Variants in AP3B1 observed in about 807,000 individuals in gnomAD.
The protein encoded by AP3B1 is adaptor related protein complex 3 subunit beta 1.
Under a neutral mutation model 132.5 loss-of-function variants are expected in AP3B1, and 61 were observed. The ratio of observed to expected loss-of-function variants is 0.46; its 90% confidence interval spans 0.37 to 0.57. The LOEUF is 0.57. Ranked by LOEUF, AP3B1 falls within the 20% of genes least tolerant of loss-of-function variation. The pLI is 0.00. For missense variants in AP3B1, 1,120 were observed against 1,289.4 expected, an observed-to-expected ratio of 0.87 and a Z score of 2.01; for synonymous variants, 388 against 438.3, an observed-to-expected ratio of 0.89 and a Z score of 1.43.
At chr5:78,174,067 CT>C (rs1321425432) in intron 11 of AP3B1, among the ~76,000 whole-genome samples, 4 of 152,164 alleles carry the variant, frequency 2.6e-5, no homozygotes, top group Admixed American at 2.6e-4. Flanking sequence ...ACTGTTTATT[CT>C]AGTTAGCCAT....
At chr5:78,248,326 C>A (rs556679166) in intron 2 of AP3B1, among the ~76,000 whole-genome samples, 1 of 151,698 alleles carries the variant, frequency 6.6e-6, no homozygotes, top group African/African-American at 2.4e-5. Flanking sequence ...CCCATCTCTA[C>A]TAAAAATACA....
rs1753131444 is a variant in AP3B1 at position 78,141,207 on chromosome 5, T to C, written c.1586A>G (p.Asp529Gly). Residue 529 changes from aspartate to glycine, a missense_variant, in exon 15 of 27, where the codon GAT (aspartate) becomes GGT (glycine). Around this residue, in one of 3 missense-constraint regions of AP3B1, gnomAD observed 906 missense variants for 997.1 expected, o/e 0.91. Coordinates refer to ENST00000255194, the MANE Select transcript of AP3B1 (RefSeq NM_003664.5). ...RKMAKSFTSE[D>G]DLVKLQILNL... The stretch of plus-strand genomic sequence containing the variant: ...TAATATCTGCAGTTTTACCAGATCA[T>C]CTTCACTAGTGAAGCTTTTAGCCAT... The C allele has an allele frequency of 1.2e-6, 2 of 1,613,820 alleles. No individual in the cohort carries two copies. The highest frequency in any genetic ancestry group is 2.7e-5 in the African/African-American group (2 of 75,034).
chr5:78,202,406 C>G (rs1224992806), intron 7 of AP3B1, among the ~76,000 whole-genome samples: 1 of 152,092 alleles, frequency 6.6e-6, no homozygotes, highest in African/African-American at 2.4e-5. Flanking sequence ...GGCACTAACC[C>G]TCATAACATC....
chr5:78,279,039 G>GATATGGAAAGACATATCAAC (rs1748923951), intron 1 of AP3B1, among the ~76,000 whole-genome samples: 2 of 151,922 alleles, frequency 1.3e-5, no homozygotes, highest in African/African-American at 2.4e-5. Context: ...ATCATATGTT[G>GATATGGAAAGACATATCAAC]ATATGGAAAG....
chr5:78,204,268 C>T (rs958971617), intron 7 of AP3B1, among the ~76,000 whole-genome samples: 1 of 152,110 alleles, frequency 6.6e-6, no homozygotes, highest in Non-Finnish European at 1.5e-5. Flanking sequence ...TGTTTACAGT[C>T]GTTTCTAAGC....
intron 14 of AP3B1, among the ~76,000 whole-genome samples, chr5:78,152,243 A>G (rs1359735364): frequency 6.6e-6 from 1 of 151,178 alleles, no homozygotes; most frequent in Non-Finnish European, 1.5e-5. Context: ...GAATAGTTTC[A>G]GTAGACTTGG....
At chr5:78,157,805 C>T (rs1743214061) in intron 13 of AP3B1, among the ~76,000 whole-genome samples, 1 of 151,928 alleles carries the variant, frequency 6.6e-6, no homozygotes, top group Admixed American at 6.6e-5. Context: ...GCTGGAGTAC[C>T]ATGGCGCAAT....
rs185157590 is a variant in AP3B1 at position 78,166,688 on chromosome 5, A to G, written c.1168-1016T>C. Among the ~76,000 whole-genome samples, 596 of 152,322 alleles carry G rather than the reference A, an allele frequency of 3.9e-3. 3 individuals are homozygous for G. Among genetic ancestry groups the G allele is most frequent in the Middle Eastern group, 0.017 (5 of 294 alleles). ...CATATCAATAAACTACATTAAATAA[A>G]GCCAAATACTTAGAGCCAACTGATC... On this transcript the variant is annotated intron_variant, in intron 11 of 26. Coordinates refer to ENST00000255194, the MANE Select transcript of AP3B1 (RefSeq NM_003664.5).
intron 3 of AP3B1, among the ~76,000 whole-genome samples, chr5:78,234,011 T>C (rs964340230): frequency 6.6e-5 from 10 of 152,138 alleles, no homozygotes; most frequent in African/African-American, 2.4e-4. Flanking sequence ...AAGAATGCTT[T>C]AAATCACTGT....
At chr5:78,015,815 A>G in intron 25 of AP3B1, 1 of 406,272 alleles carries the variant, frequency 2.5e-6, no homozygotes, top group Non-Finnish European at 4.5e-6. Flanking sequence ...AAAACTTAGA[A>G]TCACACATAT....
chr5:78,280,259 T>C (rs1348548019), intron 1 of AP3B1, among the ~76,000 whole-genome samples: 1 of 152,080 alleles, frequency 6.6e-6, no homozygotes, highest in African/African-American at 2.4e-5. Context: ...AAACACTGAT[T>C]CTAATTATTC....
intron 1 of AP3B1, among the ~76,000 whole-genome samples, chr5:78,292,671 T>A (rs894601356): frequency 6.6e-6 from 1 of 152,208 alleles, no homozygotes; most frequent in African/African-American, 2.4e-5. Context: ...TAAAGTGGTG[T>A]GCACAAATAC....
At chr5:78,034,822 A>G (rs1026041027) in intron 23 of AP3B1, among the ~76,000 whole-genome samples, 6 of 151,976 alleles carry the variant, frequency 3.9e-5, no homozygotes, top group Non-Finnish European at 7.4e-5. Flanking sequence ...ATAAGAGGTT[A>G]TGTACTTAAA....
intron 26 of AP3B1, 121 bp downstream of exon 26, chr5:78,015,289 T>A: frequency 1.9e-6 from 2 of 1,027,580 alleles, no homozygotes; most frequent in Non-Finnish European, 2.8e-6. Context: ...AAAAAGGGAG[T>A]GTGTGTATAT....
In AP3B1 at chr5:78,279,907, A is replaced by AATATATATATATATATATATATATATAT. The variant is rs55881507; in HGVS notation, c.129-12313_129-12312insATATATATATATATATATATATATATAT. Among the ~76,000 whole-genome samples, 11 of 114,348 alleles carry AATATATATATATATATATATATATATAT rather than the reference A, an allele frequency of 9.6e-5. 1 individual carries two copies. Among genetic ancestry groups the AATATATATATATATATATATATATATAT allele is most frequent in the African/African-American group, 3.5e-4 (11 of 31,716 alleles). The allele number at this position is 114,348 out of a possible 152,430, so 75.0% of individuals were successfully genotyped here. ...GACTTAAATATATATATATGACTTAAATATATATATATATATATATATTAG... is the reference window on the plus strand; with the variant it reads ...GACTTAAATATATATATATGACTTAAATATATATATATATATATATATATATATATATATATATATATATATATATTAG... On this transcript the variant is annotated intron_variant, in intron 1 of 26. Coordinates refer to ENST00000255194, the MANE Select transcript of AP3B1 (RefSeq NM_003664.5).
chr5:78,128,985 C>T (rs906846430), intron 16 of AP3B1, 136 bp downstream of exon 16: 10 of 741,322 alleles, frequency 1.3e-5, no homozygotes, highest in Non-Finnish European at 1.9e-5. Flanking sequence ...GAGTAGAAAG[C>T]ATGCTGTTCT....
chr5:78,176,628 C>A lies in AP3B1; in HGVS notation c.1040+711G>T, dbSNP rs984712217. On this transcript the variant is annotated intron_variant, in intron 9 of 26. Transcript: ENST00000255194. ...GTCAAATAGCTGAAATGAAGGTATT[C>A]TTAAACACAGAAACAAATGTCTGAA... is the stretch of plus-strand genomic sequence containing the variant. Among the ~76,000 whole-genome samples, 4 of 152,260 alleles carry A rather than the reference C, an allele frequency of 2.6e-5. No individual in the cohort carries two copies. The East Asian group carries it at 7.7e-4, about 29-fold the overall frequency.
chr5:78,020,017 T>G (rs1365257834), intron 25 of AP3B1, among the ~76,000 whole-genome samples: 6 of 152,064 alleles, frequency 3.9e-5, no homozygotes, highest in African/African-American at 1.4e-4. Context: ...GACAGTTATC[T>G]CCCCTTATTC....
At chr5:78,017,748 A>G (rs1463818619) in intron 25 of AP3B1, among the ~76,000 whole-genome samples, 1 of 152,078 alleles carries the variant, frequency 6.6e-6, no homozygotes, top group East Asian at 1.9e-4. Flanking sequence ...CTAAAAAATA[A>G]TACTTTAAAA....
Sources: gnomAD v4.1 joint callset for allele counts (sites outside exome capture counted in the v4.1 genomes callset) on GRCh38, gnomAD v4.1.1 for gene constraint, gnomAD v4.1.1 regional missense constraint, MANE v1.5 for transcripts, NCBI Gene and HGNC (gene_info 2026-07-23, HGNC 2026-07-21) for gene names.